Variants in CDCA7L observed in about 807,000 individuals in gnomAD.
The protein encoded by CDCA7L is cell division cycle associated 7 like.
A neutral mutation model predicts 57.4 loss-of-function variants in CDCA7L; 44 were observed. The ratio of observed to expected loss-of-function variants is 0.77; its 90% CI spans 0.60 to 0.98. CDCA7L has a LOEUF of 0.98. Among genes scored for constraint, CDCA7L ranks in the 50% least tolerant of loss-of-function variants. The pLI is 0.00. For missense variants in CDCA7L, 644 were observed against 580.6 expected (o/e 1.11, Z -1.12); for synonymous variants, 236 against 202.8 (o/e 1.16, Z -1.39).
At chr7:21,902,674 G>GTCTT (rs1345579796) in intron 9 of CDCA7L, 2 of 487,582 alleles carry the variant, frequency 4.1e-6, no homozygotes, top group Non-Finnish European at 7.3e-6. Flanking sequence ...CATAATCTGT[G>GTCTT]TCTTTCCCCT....
At position 21,923,318 on chromosome 7, in the gene CDCA7L, G is replaced by A. The variant is rs1163777280; in HGVS notation, c.25-6424C>T. Among the ~76,000 whole-genome samples, 3 of 151,970 alleles carry A rather than the reference G, an allele frequency of 2.0e-5. No homozygotes were observed. In the East Asian group the frequency reaches 5.8e-4, roughly 29 times the overall value. On this transcript the variant is annotated intron_variant, in intron 1 of 9. Transcript: ENST00000406877. ...AGCCTAGGCAACATGGTGAGACCCC[G>A]TCTCTACCAAAAAAGATACAAAAAT...
intron 2 of CDCA7L, among the ~76,000 whole-genome samples, chr7:21,912,354 A>C (rs147714320): frequency 0.011 from 1,746 of 152,316 alleles, 30 homozygotes; most frequent in African/African-American, 0.04. Flanking sequence ...AAAGCTTACA[A>C]AATTCAGACC....
chr7:21,905,230 C>T (rs1466679379), intron 7 of CDCA7L, among the ~76,000 whole-genome samples: 1 of 85,804 alleles, frequency 1.2e-5, no homozygotes, highest in African/African-American at 2.9e-5. Flanking sequence ...ATGCTTAAAC[C>T]ATTAACAGTT....
At chr7:21,944,850 C>G (rs1244424676) in intron 1 of CDCA7L, 1 of 151,140 alleles carries the variant, frequency 6.6e-6, no homozygotes, top group Non-Finnish European at 1.5e-5. Flanking sequence ...AGCAGTGAGT[C>G]TCGCGACTCT....
intron 1 of CDCA7L, among the ~76,000 whole-genome samples, chr7:21,917,713 T>A (rs1380211083): frequency 6.6e-6 from 1 of 152,246 alleles, no homozygotes; most frequent in Non-Finnish European, 1.5e-5. Context: ...TGGCTGTTTT[T>A]AACTTAGGAA....
intron 6 of CDCA7L, 139 bp downstream of exon 6, chr7:21,906,150 A>C (rs992830549): frequency 1.2e-5 from 9 of 757,676 alleles, no homozygotes; most frequent in African/African-American, 1.8e-5. Flanking sequence ...ATCACCTGGG[A>C]AGCAGAGAGA....
chr7:21,924,789 T>G (rs1354075192), intron 1 of CDCA7L, among the ~76,000 whole-genome samples: 1 of 152,128 alleles, frequency 6.6e-6, no homozygotes, highest in Non-Finnish European at 1.5e-5. Context: ...AAAACACCGT[T>G]AAGAGAATGA....
intron 4 of CDCA7L, among the ~76,000 whole-genome samples, chr7:21,907,334 G>A (rs2128058098): frequency 6.6e-6 from 1 of 152,182 alleles, no homozygotes; most frequent in African/African-American, 2.4e-5. Flanking sequence ...CCGAAAGTAG[G>A]CATTCCATTT....
At chr7:21,917,010 A>G in intron 1 of CDCA7L, 116 bp from the exon 2 acceptor site, 2 of 1,135,732 alleles carry the variant, frequency 1.8e-6, no homozygotes, top group Non-Finnish European at 2.6e-6. Context: ...ACGGTTGCCC[A>G]GAAGTCCCCA....
Position 21,901,200 on chromosome 7 carries a change from A to G in CDCA7L, c.*1122T>C. 1 of 1,613,742 alleles carries G rather than the reference A, an allele frequency of 6.2e-7. No individual in the cohort carries two copies. The highest frequency in any genetic ancestry group is 8.5e-7 in the Non-Finnish European group (1 of 1,179,770). On this transcript the variant is annotated 3_prime_UTR_variant, in exon 10 of 10. Transcript: ENST00000406877. Reference sequence around the variant, plus strand: ...TCTGGACCTTCAGGCTGAAGAGCGAAGAGAAGACTGCAAAATGGGTTCTGG... The same window carrying G: ...TCTGGACCTTCAGGCTGAAGAGCGAGGAGAAGACTGCAAAATGGGTTCTGG...
At chr7:21,915,658 A>AAAAAC (rs1554296504) in intron 2 of CDCA7L, among the ~76,000 whole-genome samples, 5 of 73,496 alleles carry the variant, frequency 6.8e-5, no homozygotes, top group Non-Finnish European at 9.6e-5. Flanking sequence ...AAAAAAAAAA[A>AAAAAC]ACACACACAC....
At position 21,901,400 on chromosome 7, in the gene CDCA7L, CAGAAAAAAAT is replaced by C. The variant is rs1784837480; in HGVS notation, c.*912_*921del. ...TCAACGCTATCCTTAGAGTGAAAGT[CAGAAAAAAAT>C]ACTAGAAACTAACTCAGGGCTGAGC... On this transcript the variant is annotated 3_prime_UTR_variant, in exon 10 of 10. Transcript: ENST00000406877. 2.6e-6 allele frequency: 3 copies of C among 1,176,106 alleles called. No homozygotes were observed. The allele number at this position is 1,176,106 out of a possible 1,614,324, so 72.9% of individuals were successfully genotyped here.
At chr7:21,926,189 C>T (rs1421934526) in intron 1 of CDCA7L, among the ~76,000 whole-genome samples, 1 of 152,096 alleles carries the variant, frequency 6.6e-6, no homozygotes, top group Non-Finnish European at 1.5e-5. Context: ...AGAAAACGAT[C>T]TGTTTTTCTA....
Position 21,901,459 on chromosome 7 carries a change from CA to C in CDCA7L, c.*862del. On this transcript the variant is annotated 3_prime_UTR_variant, in exon 10 of 10. Transcript: ENST00000406877. ...GCGTGGTGGCACACGACTGTAATCC[CA>C]GTTACTCAGGAGGTAGGAGAATCAC... 1 of 595,948 alleles carries C rather than the reference CA, an allele frequency of 1.7e-6. No individual in the cohort carries two copies. Among genetic ancestry groups the C allele is most frequent in the African/African-American group, 1.9e-5 (1 of 52,506 alleles). The allele number at this position is 595,948 out of a possible 1,614,324, so 36.9% of individuals were successfully genotyped here. A position where few individuals can be genotyped will look rare whatever the true frequency, so the allele number is the denominator to read the frequency against.
chr7:21,902,270 T>A lies in CDCA7L; in HGVS notation c.*52A>T. The A allele has an allele frequency of 6.5e-7, 1 of 1,539,396 alleles. No individual in the cohort carries two copies. The highest frequency in any genetic ancestry group is 9.0e-7 in the Non-Finnish European group (1 of 1,112,008). On this transcript the variant is annotated 3_prime_UTR_variant, in exon 10 of 10. Transcript: ENST00000406877. ...CTTTCTTAGGCACCAATGGTATGCA[T>A]GTCTTGTTGGAGTACTCTATGGTGA...
Position 21,921,771 on chromosome 7 carries a change from CA to C in CDCA7L, c.25-4878del, listed in dbSNP as rs79353686. On this transcript the variant is annotated intron_variant, in intron 1 of 9. Coordinates refer to ENST00000406877, the MANE Select transcript of CDCA7L (RefSeq NM_018719.5). ...TTAGGATAACTACTATCTAGTGAAC[CA>C]AAAAAAAAAGGGAAAATTCTCATCT... Among the ~76,000 whole-genome samples, 586 of 140,450 alleles carry C rather than the reference CA, an allele frequency of 4.2e-3. 3 individuals are homozygous for C. Among genetic ancestry groups the C allele is most frequent in the African/African-American group, 0.013 (518 of 38,420 alleles). The allele number at this position is 140,450 out of a possible 152,430, so 92.1% of individuals were successfully genotyped here.
intron 2 of CDCA7L, among the ~76,000 whole-genome samples, chr7:21,916,516 A>T (rs1020012763): frequency 9.8e-3 from 3 of 306 alleles, no homozygotes; most frequent in Non-Finnish European, 0.05. Context: ...CCTTTATTTA[A>T]AAAAAAAAAA....
chr7:21,907,402 C>CT (rs1467292827), intron 4 of CDCA7L, among the ~76,000 whole-genome samples: 1 of 151,786 alleles, frequency 6.6e-6, no homozygotes, highest in Admixed American at 6.6e-5. Context: ...CTGCATCATT[C>CT]TTTTTTTAAA....
chr7:21,919,978 T>A (rs1034978349), intron 1 of CDCA7L, among the ~76,000 whole-genome samples: 18 of 152,222 alleles, frequency 1.2e-4, no homozygotes, highest in Non-Finnish European at 2.2e-4. Flanking sequence ...TAAAAAGATG[T>A]CCTTAACAGT....
Sources: allele counts gnomAD v4.1 joint callset (sites outside exome capture counted in the v4.1 genomes callset), GRCh38; gene constraint gnomAD v4.1.1; transcripts MANE v1.5; gene names NCBI Gene and HGNC (gene_info 2026-07-23, HGNC 2026-07-21).